The following OR2M3 variants were observed in gnomAD, a reference collection of about 807,000 sequenced individuals.
OR2M3 encodes the protein olfactory receptor family 2 subfamily M member 3, also known as olfactory receptor 2M3.
A neutral mutation model predicts 4.3 loss-of-function variants in OR2M3; 1 was observed. The ratio of observed to expected loss-of-function variants is 0.23; its 90% confidence interval spans 0.08 to 1.11. The LOEUF is 1.11. Among genes scored for constraint, OR2M3 ranks in the 50% most tolerant of loss-of-function variants. OR2M3 has a pLI of 0.54. For missense variants in OR2M3, 410 were observed against 390.4 expected (o/e 1.05, Z -0.42); for synonymous variants, 151 against 139.4 (o/e 1.08, Z -0.59).
rs998535126 is a variant in OR2M3, at chr1:248,211,554, C to G, written c.*7548C>G. 6.7e-6 allele frequency: 1 copy of G among 149,748 alleles called. No individual in the cohort carries two copies. Among genetic ancestry groups the G allele is most frequent in the African/African-American group, 2.5e-5 (1 of 40,512 alleles). The allele number at this position is 149,748 out of a possible 1,614,324, so 9.3% of individuals were successfully genotyped here. A position where few individuals can be genotyped will look rare whatever the true frequency, so the allele number is the denominator to read the frequency against. ...TTTTTTTTTTTTAATTACAGAGTCT[C>G]GCTCTGGGGCCCAGGCTGGAGTGCG... On this transcript the variant is annotated 3_prime_UTR_variant, in exon 2 of 2. Transcript: ENST00000641626.
rs1666244941 is a variant in OR2M3, at chr1:248,208,313, T to C, written c.*4307T>C. ...AACATTTAGGCCACTAACATCAATG[T>C]CGGAATTGAGATGTGAGGTACTATT... On this transcript the variant is annotated 3_prime_UTR_variant, in exon 2 of 2. Coordinates refer to ENST00000641626, the MANE Select transcript of OR2M3 (RefSeq NM_001004689.2). 6.6e-6 allele frequency: 1 copy of C among 152,156 alleles called. No individual in the cohort carries two copies. The highest frequency in any genetic ancestry group is 2.1e-4 in the South Asian group (1 of 4,836). The allele number at this position is 152,156 out of a possible 1,614,324, so 9.4% of individuals were successfully genotyped here. A position where few individuals can be genotyped will look rare whatever the true frequency, so the allele number is the denominator to read the frequency against.
Position 248,203,490 on chromosome 1 carries a change from T to A in OR2M3, c.423T>A (p.Cys141Ter). Residue 141 changes from cysteine (C) to a stop codon, truncating the protein, a stop_gained, in exon 2 of 2, where the codon TGT becomes TGA. Transcript: ENST00000641626. LOFTEE classifies it low-confidence loss of function (END_TRUNC). ...RYTNLMSPKI[C>*]GLMTAFSWIL... ...CCAATCTCATGAGCCCTAAAATTTG[T>A]GGACTTATGACTGCCTTTTCCTGGA... The A allele has an allele frequency of 6.2e-7, 1 of 1,613,644 alleles. No homozygotes were observed.
Position 248,207,861 on chromosome 1 carries a change from T to C in OR2M3, c.*3855T>C, listed in dbSNP as rs1461162792. On this transcript the variant is annotated 3_prime_UTR_variant, in exon 2 of 2. Coordinates refer to ENST00000641626, the MANE Select transcript of OR2M3 (RefSeq NM_001004689.2). Reference sequence around the variant, plus strand: ...TATAGTTTAAGTGCATTGTTTCTTTTTTTACTTTCTGTCTTAAAGACCTGT... The same window carrying C: ...TATAGTTTAAGTGCATTGTTTCTTTCTTTACTTTCTGTCTTAAAGACCTGT... The C allele has an allele frequency of 6.6e-6, 1 of 152,004 alleles. No homozygotes were observed. Among genetic ancestry groups the C allele is most frequent in the Non-Finnish European group, 1.5e-5 (1 of 67,906 alleles). 9.4% of individuals were successfully genotyped at this position (152,004 alleles called of 1,614,324 possible).
chr1:248,205,876 T>G lies in OR2M3; in HGVS notation c.*1870T>G, dbSNP rs1666219052. 6.6e-6 allele frequency: 1 copy of G among 152,116 alleles called. No homozygotes were observed. Among genetic ancestry groups the G allele is most frequent in the Non-Finnish European group, 1.5e-5 (1 of 67,974 alleles). The allele number at this position is 152,116 out of a possible 1,614,324, so 9.4% of individuals were successfully genotyped here. The stretch of plus-strand genomic sequence containing the variant: ...TTGCATTGAATTTGTAAATTGCTTT[T>G]GGCAGCATGGTCATTTTTACAATAT... On this transcript the variant is annotated 3_prime_UTR_variant, in exon 2 of 2. Coordinates refer to ENST00000641626, the MANE Select transcript of OR2M3 (RefSeq NM_001004689.2).
At chr1:248,198,129 AAT>A (rs1429598418) in intron 1 of OR2M3, among the ~76,000 whole-genome samples, 3 of 152,180 alleles carry the variant, frequency 2.0e-5, no homozygotes, top group Non-Finnish European at 4.4e-5. Context: ...TATTTACAAA[AAT>A]ATGTTAGATA....
Position 248,203,246 on chromosome 1 carries a change from ACCT to A in OR2M3, c.187_189del (p.Leu63del), listed in dbSNP as rs1387399578. 2 of 1,613,772 alleles carry A rather than the reference ACCT, an allele frequency of 1.2e-6. No individual in the cohort carries two copies. Among genetic ancestry groups the A allele is most frequent in the Non-Finnish European group, 1.7e-6 (2 of 1,179,934 alleles). On this transcript the variant is annotated inframe_deletion, in exon 2 of 2. Transcript: ENST00000641626. Reference sequence around the variant, plus strand: ...GACACCCAGCTCCACACCCCCATGTACCTCCTCCTCAGCCAACTGTCCCTCATG... The same window carrying A: ...GACACCCAGCTCCACACCCCCATGTACCTCCTCAGCCAACTGTCCCTCATG...
At position 248,204,063 on chromosome 1, in the gene OR2M3, T is replaced by C; in HGVS notation, c.*57T>C. On this transcript the variant is annotated 3_prime_UTR_variant, in exon 2 of 2. Transcript: ENST00000641626. The stretch of plus-strand genomic sequence containing the variant: ...GCTAAATCCTTTTTTTAAATGGTCC[T>C]ATTTTTCCATTAAGCCTTGAAAATG... 6.5e-7 allele frequency: 1 copy of C among 1,549,308 alleles called. No individual in the cohort carries two copies. Among genetic ancestry groups the C allele is most frequent in the Non-Finnish European group, 8.9e-7 (1 of 1,125,532 alleles).
chr1:248,204,149 C>T lies in OR2M3; in HGVS notation c.*143C>T. ...TTATGTGCACCTATATAATTTATTT[C>T]AGATAAACTATTATAACTATTTATT... On this transcript the variant is annotated 3_prime_UTR_variant, in exon 2 of 2. Transcript: ENST00000641626. 1.5e-6 allele frequency: 1 copy of T among 655,286 alleles called. No individual in the cohort carries two copies. Among genetic ancestry groups the T allele is most frequent in the Non-Finnish European group, 2.5e-6 (1 of 394,276 alleles). The allele number at this position is 655,286 out of a possible 1,614,324, so 40.6% of individuals were successfully genotyped here.
At chr1:248,200,303 A>C (rs1479532170) in intron 1 of OR2M3, among the ~76,000 whole-genome samples, 2 of 152,122 alleles carry the variant, frequency 1.3e-5, no homozygotes, top group Admixed American at 6.6e-5. Context: ...GTAAGTTGAG[A>C]CGAGTTATTT....
intron 1 of OR2M3, among the ~76,000 whole-genome samples, chr1:248,198,726 G>A (rs139006618): frequency 1.5e-4 from 23 of 152,224 alleles, no homozygotes; most frequent in African/African-American, 5.5e-4. Context: ...GAGTATCACA[G>A]TGTCATGAAA....
rs1038969912 is a variant in OR2M3 at position 248,212,084 on chromosome 1, G to T, written c.*8078G>T. 3.3e-5 allele frequency: 5 copies of T among 152,096 alleles called. No individual in the cohort carries two copies. The highest frequency in any genetic ancestry group is 1.3e-4 in the Admixed American group (2 of 15,274). 9.4% of individuals were successfully genotyped at this position (152,096 alleles called of 1,614,324 possible). On this transcript the variant is annotated 3_prime_UTR_variant, in exon 2 of 2. Coordinates refer to ENST00000641626, the MANE Select transcript of OR2M3 (RefSeq NM_001004689.2). ...AGCATATAGATTAAGTGGTCAAATAGATATTTCCACAGTGGCTCAAAGTAA... is the reference window on the plus strand; with the variant it reads ...AGCATATAGATTAAGTGGTCAAATATATATTTCCACAGTGGCTCAAAGTAA...
At chr1:248,202,195 AG>A (rs761003116) in intron 1 of OR2M3, among the ~76,000 whole-genome samples, 2 of 152,070 alleles carry the variant, frequency 1.3e-5, no homozygotes, top group African/African-American at 2.4e-5. Context: ...CCTCTCTCCC[AG>A]GTTCTTGTCA....
chr1:248,203,941 C>G lies in OR2M3; in HGVS notation c.874C>G (p.Leu292Val), dbSNP rs1165808415. The G allele has an allele frequency of 9.9e-6, 16 of 1,613,766 alleles. No homozygotes were observed. Among genetic ancestry groups the G allele is most frequent in the African/African-American group, 1.3e-5 (1 of 74,870 alleles). The part of the protein sequence containing the change: ...TPMLNPLIYS[L>V]RNKEVTRAFM... Reference sequence around the variant, plus strand: ...CATGTTGAATCCCCTCATCTACAGCCTCCGCAACAAGGAGGTGACCAGAGC... The same window carrying G: ...CATGTTGAATCCCCTCATCTACAGCGTCCGCAACAAGGAGGTGACCAGAGC... The change falls in exon 2 of 2, where the codon CTC (leucine) becomes GTC (valine). Residue 292 changes from leucine (L) to valine (V), a missense_variant. Physicochemically the swap from Leu to Val is conservative, Grantham distance 32. Transcript: ENST00000641626.
chr1:248,212,864 T>G lies in OR2M3; in HGVS notation c.*8858T>G, dbSNP rs1193951439. 6.6e-6 allele frequency: 1 copy of G among 152,036 alleles called. No individual in the cohort carries two copies. Among genetic ancestry groups the G allele is most frequent in the Non-Finnish European group, 1.5e-5 (1 of 67,980 alleles). The allele number at this position is 152,036 out of a possible 1,614,324, so 9.4% of individuals were successfully genotyped here. A position where few individuals can be genotyped will look rare whatever the true frequency, so the allele number is the denominator to read the frequency against. On this transcript the variant is annotated 3_prime_UTR_variant, in exon 2 of 2. Coordinates refer to ENST00000641626, the MANE Select transcript of OR2M3 (RefSeq NM_001004689.2). ...TTTTGAACTCACTGTTACTAATAAT[T>G]TAACATGTTTTTACATCATTTTGTT...
In OR2M3 at chr1:248,205,722, T is replaced by G. The variant is rs1199321859; in HGVS notation, c.*1716T>G. The G allele has an allele frequency of 6.6e-6, 1 of 152,010 alleles. No individual in the cohort carries two copies. The highest frequency in any genetic ancestry group is 1.5e-5 in the Non-Finnish European group (1 of 67,926). The allele number at this position is 152,010 out of a possible 1,614,324, so 9.4% of individuals were successfully genotyped here. A position where few individuals can be genotyped will look rare whatever the true frequency, so the allele number is the denominator to read the frequency against. ...TTATAGTATAATTTGAAGTTGGGTA[T>G]GTGGTGCCTCCAGATTTGTTCTTTT... is the stretch of plus-strand genomic sequence containing the variant. On this transcript the variant is annotated 3_prime_UTR_variant, in exon 2 of 2. Transcript: ENST00000641626.
rs970611437 is a variant in OR2M3 at position 248,204,025 on chromosome 1, T to C, written c.*19T>C. The C allele has an allele frequency of 6.2e-7, 1 of 1,612,134 alleles. No individual in the cohort carries two copies. Among genetic ancestry groups the C allele is most frequent in the Non-Finnish European group, 8.5e-7 (1 of 1,178,484 alleles). On this transcript the variant is annotated 3_prime_UTR_variant, in exon 2 of 2. Transcript: ENST00000641626. ...AGAGTGAGTTACCTAATAAACTTCA[T>C]GTTTTGCTGTGTGCTAAATCCTTTT...
rs1048814511 is a variant in OR2M3, at chr1:248,207,917, C to T, written c.*3911C>T. ...GCTCTCAGTGGAGTATTGAAGTCCC[C>T]CACTATTATTGCATTGTCATCTATC... On this transcript the variant is annotated 3_prime_UTR_variant, in exon 2 of 2. Transcript: ENST00000641626. 9.2e-5 allele frequency: 14 copies of T among 151,886 alleles called. No homozygotes were observed. Among genetic ancestry groups the T allele is most frequent in the Non-Finnish European group, 1.9e-4 (13 of 67,948 alleles). 9.4% of individuals were successfully genotyped at this position (151,886 alleles called of 1,614,324 possible).
rs1352165528 is a variant in OR2M3 at position 248,210,556 on chromosome 1, C to T, written c.*6550C>T. On this transcript the variant is annotated 3_prime_UTR_variant, in exon 2 of 2. Coordinates refer to ENST00000641626, the MANE Select transcript of OR2M3 (RefSeq NM_001004689.2). Reference sequence around the variant, plus strand: ...AAGTGAAAATAGCCTTAACTGATGACATTCCACCATTGTGATTTGTTTCTG... The same window carrying T: ...AAGTGAAAATAGCCTTAACTGATGATATTCCACCATTGTGATTTGTTTCTG... 1.3e-5 allele frequency: 2 copies of T among 153,848 alleles called. No homozygotes were observed. Among genetic ancestry groups the T allele is most frequent in the Non-Finnish European group, 2.9e-5 (2 of 69,116 alleles). 9.5% of individuals were successfully genotyped at this position (153,848 alleles called of 1,614,324 possible). A position where few individuals can be genotyped will look rare whatever the true frequency, so the allele number is the denominator to read the frequency against.
intron 1 of OR2M3, among the ~76,000 whole-genome samples, chr1:248,198,709 A>T (rs1054363924): frequency 6.6e-6 from 1 of 152,088 alleles, no homozygotes; most frequent in African/African-American, 2.4e-5. Flanking sequence ...TTGCTCTGGC[A>T]GGTGTAGAGT....
Sources: allele counts gnomAD v4.1 joint callset (sites outside exome capture counted in the v4.1 genomes callset), GRCh38; gene constraint gnomAD v4.1.1; transcripts MANE v1.5; gene names NCBI Gene and HGNC (gene_info 2026-07-23, HGNC 2026-07-21).